The following SCARB1 variants were observed in gnomAD, a reference collection of about 807,000 sequenced individuals.
SCARB1 encodes the protein CD36 and LIMPII analogous 1.
Under a neutral mutation model 57.2 loss-of-function variants are expected in SCARB1, and 30 were observed. The ratio of observed to expected loss-of-function variants is 0.52; its 90% CI spans 0.39 to 0.71. The LOEUF is 0.71. SCARB1 is among the 30% of genes least tolerant of loss of function. The pLI, the probability that SCARB1 is intolerant of heterozygous loss-of-function variation, is 0.00. For missense variants in SCARB1, 543 were observed against 671.2 expected (o/e 0.81, Z 2.11); for synonymous variants, 249 against 268.3 (o/e 0.93, Z 0.70).
intron 1 of SCARB1, among the ~76,000 whole-genome samples, chr12:124,852,048 A>G (rs1952427492): frequency 6.6e-6 from 1 of 152,192 alleles, no homozygotes; most frequent in Non-Finnish European, 1.5e-5. Flanking sequence ...AGATGCCAAC[A>G]GGAGGATCCC....
chr12:124,782,791 C>G lies in SCARB1; in HGVS notation c.1422G>C (p.Trp474Cys). ...IRSQEKCYLF[W>C]SSSKKGSKDK... is the part of the protein sequence containing the mutation. ...CCTTTGAGCCCTTTTTACTACTACT[C>G]CAAAATAAATAGCATTTCTCCTAGA... Residue 474 changes from tryptophan to cysteine, a missense_variant, in exon 12 of 13, where the codon TGG becomes TGC. Physicochemically the swap from Trp to Cys is radical, Grantham distance 215. Coordinates refer to ENST00000261693, the MANE Select transcript of SCARB1 (RefSeq NM_005505.5). The G allele has an allele frequency of 6.2e-7, 1 of 1,613,912 alleles. No homozygotes were observed. The highest frequency in any genetic ancestry group is 8.5e-7 in the Non-Finnish European group (1 of 1,179,796).
rs1949961765 is a variant in SCARB1 at position 124,796,907 on chromosome 12, A to G, written c.1129-1639T>C. ...ATTCTGCTGGCATCTGGGAACCCAGATTTCAGGAGGGTCCCCACCATCCCC... is the reference window on the plus strand; with the variant it reads ...ATTCTGCTGGCATCTGGGAACCCAGGTTTCAGGAGGGTCCCCACCATCCCC... On this transcript the variant is annotated intron_variant, in intron 8 of 12. Transcript: ENST00000261693. The surrounding 1 kb of genome is among the most constrained non-coding windows in gnomAD (Gnocchi z 4.0). 6.6e-6 allele frequency among the ~76,000 whole-genome samples: 1 copy of G among 152,296 alleles called. No homozygotes were observed. Among genetic ancestry groups the G allele is most frequent in the Non-Finnish European group, 1.5e-5 (1 of 68,028 alleles).
At chr12:124,862,147 G>A (rs1259086159) in intron 1 of SCARB1, among the ~76,000 whole-genome samples, 4 of 152,124 alleles carry the variant, frequency 2.6e-5, no homozygotes, top group Non-Finnish European at 5.9e-5. Context: ...TGACACACAC[G>A]TTTCAGTATG....
At chr12:124,843,203 A>T (rs1330495955) in intron 1 of SCARB1, among the ~76,000 whole-genome samples, 1 of 150,420 alleles carries the variant, frequency 6.6e-6, no homozygotes, top group East Asian at 2.0e-4. Context: ...AGAGCTGGGC[A>T]CACCCAGGGA....
chr12:124,786,325 T>C (rs372977902), intron 11 of SCARB1, 32 bp downstream of exon 11: 58 of 1,611,928 alleles, frequency 3.6e-5, no homozygotes, highest in Admixed American at 1.5e-4. Context: ...CGAATGGCTG[T>C]CAGCCCGGGC....
At chr12:124,828,464 G>A (rs1033956303) in intron 1 of SCARB1, among the ~76,000 whole-genome samples, 3 of 152,188 alleles carry the variant, frequency 2.0e-5, no homozygotes, top group African/African-American at 4.8e-5. Flanking sequence ...GGATGAACAC[G>A]ATGGGGCCCC....
intron 7 of SCARB1, among the ~76,000 whole-genome samples, chr12:124,801,743 C>T (rs918289932): frequency 2.0e-4 from 30 of 151,698 alleles, no homozygotes; most frequent in Admixed American, 7.2e-4. Flanking sequence ...GAGCTGAAAT[C>T]GCATCACTGC....
At chr12:124,843,031 C>T (rs930593906) in intron 1 of SCARB1, among the ~76,000 whole-genome samples, 2 of 152,222 alleles carry the variant, frequency 1.3e-5, no homozygotes, top group Non-Finnish European at 2.9e-5. Context: ...GAACTATTAA[C>T]CCAAGTCACC....
chr12:124,857,711 T>C (rs1453544532), intron 1 of SCARB1, among the ~76,000 whole-genome samples: 1 of 152,200 alleles, frequency 6.6e-6, no homozygotes, highest in Non-Finnish European at 1.5e-5. Flanking sequence ...TTTTTGCCTC[T>C]ACCCCAGGGG....
chr12:124,848,826 G>A lies in SCARB1; in HGVS notation c.126+14769C>T, dbSNP rs565085478. Among the ~76,000 whole-genome samples the A allele has an allele frequency of 1.1e-4, 16 of 152,324 alleles. No homozygotes were observed. In the East Asian group the frequency reaches 2.7e-3, roughly 26 times the overall value. The stretch of plus-strand genomic sequence containing the variant: ...CTGACTGAGGACGACATGGACAAGC[G>A]ATGACAGCGTGAGAAACCCACGGTG... On this transcript the variant is annotated intron_variant, in intron 1 of 12. Transcript: ENST00000261693.
intron 1 of SCARB1, among the ~76,000 whole-genome samples, chr12:124,820,192 C>A (rs1212846053): frequency 6.6e-6 from 1 of 152,112 alleles, no homozygotes; most frequent in African/African-American, 2.4e-5. Context: ...GTAACAGAAG[C>A]GAGCATTTCC....
At position 124,782,752 on chromosome 12, in the gene SCARB1, A is replaced by AATTTC. The variant is rs1566127380; in HGVS notation, c.1460_1461insGAAAT (p.Ile487MetfsTer10). The stretch of plus-strand genomic sequence containing the variant: ...TCATCAGGGATTCAGAATAGGCCTG[A>AATTTC]ATGGCCTCCTTATCCTTTGAGCCCT... On this transcript the variant is annotated frameshift_variant, in exon 12 of 13. Coordinates refer to ENST00000261693, the MANE Select transcript of SCARB1 (RefSeq NM_005505.5). LOFTEE classifies it high-confidence loss of function. The AATTTC allele has an allele frequency of 6.2e-7, 1 of 1,612,504 alleles. No individual in the cohort carries two copies. Among genetic ancestry groups the AATTTC allele is most frequent in the South Asian group, 1.1e-5 (1 of 91,044 alleles).
intron 1 of SCARB1, among the ~76,000 whole-genome samples, chr12:124,833,482 C>A (rs117583790): frequency 7.2e-5 from 11 of 152,152 alleles, no homozygotes; most frequent in Non-Finnish European, 1.2e-4. Context: ...GCCATCATGC[C>A]TGGTGTAAGA....
intron 1 of SCARB1, among the ~76,000 whole-genome samples, chr12:124,837,871 C>A (rs1951755607): frequency 6.6e-6 from 1 of 152,188 alleles, no homozygotes; most frequent in African/African-American, 2.4e-5. Flanking sequence ...CCCTGCCCCC[C>A]AGCCTGGGTG....
Position 124,817,425 on chromosome 12 carries a change from G to T in SCARB1, c.284+125C>A. On this transcript the variant is annotated intron_variant, in intron 2 of 12. Transcript: ENST00000261693. This position sits in a 1 kb window ranked among gnomAD's most constrained non-coding sequence, Gnocchi z 4.8. ...TGGGACTAGCACTTACCCCGACTAT[G>T]ACTTGCCTGCTTCCGGAACAATCTC... 1 of 777,440 alleles carries T rather than the reference G, an allele frequency of 1.3e-6. No homozygotes were observed. The highest frequency in any genetic ancestry group is 2.1e-6 in the Non-Finnish European group (1 of 487,726). 48.2% of individuals were successfully genotyped at this position (777,440 alleles called of 1,614,324 possible). A position where few individuals can be genotyped will look rare whatever the true frequency, so the allele number is the denominator to read the frequency against.
chr12:124,783,964 G>A (rs1167254413), intron 11 of SCARB1: 1 of 152,178 alleles, frequency 6.6e-6, no homozygotes, highest in Non-Finnish European at 1.5e-5. Flanking sequence ...TGATTTGGGG[G>A]CTGCGGCAGG....
chr12:124,813,270 G>A (rs1477351000), intron 4 of SCARB1, among the ~76,000 whole-genome samples: 1 of 152,156 alleles, frequency 6.6e-6, no homozygotes, highest in Non-Finnish European at 1.5e-5. Context: ...TCCTCCATCT[G>A]CTCCCCAAAG....
chr12:124,833,802 C>T (rs925087870), intron 1 of SCARB1, among the ~76,000 whole-genome samples: 10 of 152,234 alleles, frequency 6.6e-5, no homozygotes, highest in Non-Finnish European at 8.8e-5. Flanking sequence ...GGAAGCTCCA[C>T]GCCCAGGATG....
At chr12:124,820,210 G>A (rs1315373168) in intron 1 of SCARB1, among the ~76,000 whole-genome samples, 1 of 152,084 alleles carries the variant, frequency 6.6e-6, no homozygotes, top group African/African-American at 2.4e-5. Flanking sequence ...TCCGGGGTGC[G>A]CCATGAGCCT....
Sources: allele counts gnomAD v4.1 joint callset (sites outside exome capture counted in the v4.1 genomes callset), GRCh38; gene constraint gnomAD v4.1.1; non-coding constraint Gnocchi (gnomAD v3.1); transcripts MANE v1.5; gene names NCBI Gene and HGNC (gene_info 2026-07-23, HGNC 2026-07-21).